The following GEMIN7 variants were observed in gnomAD, a reference collection of about 807,000 sequenced individuals.
GEMIN7 encodes gem nuclear organelle associated protein 7, also known as gem-associated protein 7.
A neutral mutation model predicts 7.8 loss-of-function variants in GEMIN7; 7 were observed. The observed-to-expected ratio is 0.90, with a 90% CI of 0.51 to 1.69. GEMIN7 has a LOEUF of 1.69. Among genes scored for constraint, GEMIN7 ranks in the 40% most tolerant of loss-of-function variants. The probability of loss-of-function intolerance (pLI) is 0.00; values close to 1 mark genes in which losing one functional copy is unlikely to be tolerated. For missense variants in GEMIN7, 159 were observed against 176.2 expected, an observed-to-expected ratio of 0.90 and a Z score of 0.55; for synonymous variants, 68 against 72.4, an observed-to-expected ratio of 0.94 and a Z score of 0.31.
At chr19:45,077,490 G>A (rs929346326), upstream of GEMIN7, among the ~76,000 whole-genome samples, 1 of 152,122 alleles carries the variant, frequency 6.6e-6, no homozygotes, top group Non-Finnish European at 1.5e-5. Flanking sequence ...CCGACTGCAC[G>A]ACAGTATAGA....
upstream of GEMIN7, chr19:45,076,113 C>A: frequency 6.4e-7 from 1 of 1,571,512 alleles, no homozygotes; most frequent in Non-Finnish European, 8.6e-7. The surrounding 1 kb of genome is among the most constrained non-coding windows in gnomAD (Gnocchi z 4.9). Context: ...ACAGGGTCCA[C>A]GGGTTCCGCG....
At chr19:45,076,041 T>C (rs769982201), upstream of GEMIN7, 8 of 1,571,934 alleles carry the variant, frequency 5.1e-6, no homozygotes, top group South Asian at 4.6e-5. The surrounding 1 kb of genome is among the most constrained non-coding windows in gnomAD (Gnocchi z 4.9). Context: ...GGGTCAAAGG[T>C]AAGGGAGGCT....
intron 2 of GEMIN7, among the ~76,000 whole-genome samples, chr19:45,089,004 C>T (rs906054896): frequency 2.7e-5 from 4 of 149,476 alleles, no homozygotes; most frequent in East Asian, 3.9e-4. Context: ...TGCTGTGGTG[C>T]GATCTCTGCT....
upstream of GEMIN7, chr19:45,076,310 C>G: frequency 1.4e-6 from 2 of 1,432,454 alleles, no homozygotes; most frequent in Non-Finnish European, 1.8e-6. This position sits in a 1 kb window ranked among gnomAD's most constrained non-coding sequence, Gnocchi z 4.9. Context: ...ATCTCGTCGT[C>G]TGGGTTGGCG....
chr19:45,080,485 C>T (rs1967462653), intron 2 of GEMIN7, among the ~76,000 whole-genome samples: 2 of 151,812 alleles, frequency 1.3e-5, no homozygotes, highest in African/African-American at 4.8e-5. Context: ...AAGGGATTCT[C>T]CTGCCTCAGC....
upstream of GEMIN7, chr19:45,076,389 C>A (rs374842737): frequency 2.8e-5 from 36 of 1,266,878 alleles, no homozygotes; most frequent in African/African-American, 2.6e-4. This position sits in a 1 kb window ranked among gnomAD's most constrained non-coding sequence, Gnocchi z 4.9. Flanking sequence ...GCGGGCCGGG[C>A]GAGCGAGCGG....
upstream of GEMIN7, among the ~76,000 whole-genome samples, chr19:45,078,335 C>T (rs886309232): frequency 7.9e-5 from 12 of 152,122 alleles, no homozygotes; most frequent in African/African-American, 2.2e-4. Flanking sequence ...GGTGATCCAC[C>T]CGCCTCAGCC....
intron 2 of GEMIN7, chr19:45,088,519 G>T (rs1006760730): frequency 1.3e-5 from 2 of 151,866 alleles, no homozygotes; most frequent in African/African-American, 4.8e-5. Flanking sequence ...TAGAGACGAG[G>T]TCTTACCATG....
At chr19:45,087,942 ATTTTT>A (rs535770065) in intron 2 of GEMIN7, among the ~76,000 whole-genome samples, 1 of 116,436 alleles carries the variant, frequency 8.6e-6, no homozygotes. Flanking sequence ...TAGATATATA[ATTTTT>A]TTTTTTTTTT....
chr19:45,086,630 C>T (rs1208643801), intron 2 of GEMIN7, among the ~76,000 whole-genome samples: 1 of 152,136 alleles, frequency 6.6e-6, no homozygotes, highest in East Asian at 1.9e-4. Context: ...AGCCATTTAC[C>T]CCAGGTCACA....
chr19:45,075,769 TC>T (rs1357347381), upstream of GEMIN7: 1 of 1,613,914 alleles, frequency 6.2e-7, no homozygotes, highest in African/African-American at 1.3e-5. Flanking sequence ...CTTCTTGTGG[TC>T]CATGAAGGCA....
At chr19:45,088,235 T>A (rs148691281) in intron 2 of GEMIN7, among the ~76,000 whole-genome samples, 2,050 of 152,188 alleles carry the variant, frequency 0.013, 54 homozygotes, top group African/African-American at 0.047. Context: ...TGTGAGCCAC[T>A]GCTCCCAGCC....
At chr19:45,080,758 G>GGT (rs1967472729) in intron 2 of GEMIN7, among the ~76,000 whole-genome samples, 1 of 121,312 alleles carries the variant, frequency 8.2e-6, no homozygotes, top group African/African-American at 3.3e-5. Flanking sequence ...AATCTCCCTT[G>GGT]TTTTTTGTTT....
chr19:45,076,653 T>G, upstream of GEMIN7: 1 of 291,162 alleles, frequency 3.4e-6, no homozygotes, highest in Non-Finnish European at 6.3e-6. The surrounding 1 kb of genome is among the most constrained non-coding windows in gnomAD (Gnocchi z 4.9). Flanking sequence ...TCACACCGAG[T>G]TCCCACAAGG....
At chr19:45,076,427 GAGGACGCACGA>G, upstream of GEMIN7, 4 of 1,189,866 alleles carry the variant, frequency 3.4e-6, no homozygotes, top group African/African-American at 3.2e-5. The surrounding 1 kb of genome is among the most constrained non-coding windows in gnomAD (Gnocchi z 4.9). Flanking sequence ...CGGGCGGGCG[GAGGACGCACGA>G]GCGGAGGACG....
intron 2 of GEMIN7, among the ~76,000 whole-genome samples, chr19:45,083,613 T>G (rs1290816608): frequency 6.1e-5 from 9 of 146,356 alleles, no homozygotes; most frequent in Admixed American, 3.4e-4. Context: ...TTTTTTTTTT[T>G]TTTGTTTGAG....
chr19:45,076,474 T>C, upstream of GEMIN7: 1 of 900,932 alleles, frequency 1.1e-6, no homozygotes, highest in Non-Finnish European at 1.4e-6. This position sits in a 1 kb window ranked among gnomAD's most constrained non-coding sequence, Gnocchi z 4.9. Context: ...CTCAGGTGAG[T>C]GACTGCGGCG....
intron 2 of GEMIN7, among the ~76,000 whole-genome samples, chr19:45,086,628 A>G (rs1257774690): frequency 6.6e-6 from 1 of 152,038 alleles, no homozygotes; most frequent in Non-Finnish European, 1.5e-5. Context: ...CAAGCCATTT[A>G]CCCCAGGTCA....
At chr19:45,076,079 G>A (rs1318926157), upstream of GEMIN7, 27 of 1,583,038 alleles carry the variant, frequency 1.7e-5, no homozygotes, top group Admixed American at 1.2e-4. The surrounding 1 kb of genome is among the most constrained non-coding windows in gnomAD (Gnocchi z 4.9). Context: ...TGCTCACCGG[G>A]ATAGTTCGGG....
Sources: allele counts gnomAD v4.1 joint callset (sites outside exome capture counted in the v4.1 genomes callset), GRCh38; gene constraint gnomAD v4.1.1; non-coding constraint Gnocchi (gnomAD v3.1); transcripts MANE v1.5; gene names NCBI Gene and HGNC (gene_info 2026-07-23, HGNC 2026-07-21).